The following TP63 variants were observed in gnomAD, a reference collection of about 807,000 sequenced individuals.
TP63 encodes tumor protein 63.
TP63 carries 17 observed loss-of-function variants against 82.8 expected under a neutral mutation model. That is an observed-to-expected ratio of 0.21 (90% CI 0.14 to 0.31). The LOEUF is 0.31. TP63 is among the 10% of genes least tolerant of loss of function. The pLI is 1.00. For missense variants in TP63, 648 were observed against 895.3 expected (o/e 0.72, Z 3.52); for synonymous variants, 330 against 321.7 (o/e 1.03, Z -0.28).
At chr3:189,874,987 T>G (rs1718872000) in intron 10 of TP63, among the ~76,000 whole-genome samples, 1 of 135,684 alleles carries the variant, frequency 7.4e-6, no homozygotes, top group Non-Finnish European at 1.7e-5. Flanking sequence ...CTGTCTTTTT[T>G]TTTTTTTTTT....
the TP63 span, among the ~76,000 whole-genome samples, chr3:189,612,147 C>T: frequency 6.6e-6 from 1 of 151,856 alleles, no homozygotes; most frequent in South Asian, 2.1e-4. Context: ...GGACTGTATC[C>T]AGGGTTCAGA....
intron 3 of TP63, among the ~76,000 whole-genome samples, chr3:189,745,893 T>TA (rs201916552): frequency 6.6e-6 from 1 of 150,924 alleles, no homozygotes; most frequent in African/African-American, 2.4e-5. Flanking sequence ...ACAGAAGAAT[T>TA]AAAAAAAATC....
At chr3:189,650,454 C>G (rs1374807454) in intron 1 of TP63, among the ~76,000 whole-genome samples, 1 of 146,488 alleles carries the variant, frequency 6.8e-6, no homozygotes, top group East Asian at 2.4e-4. Context: ...ATGAGATGAA[C>G]CAGGTGGAGA....
chr3:189,719,144 A>G (rs1487072357), intron 1 of TP63, among the ~76,000 whole-genome samples: 1 of 152,208 alleles, frequency 6.6e-6, no homozygotes. Flanking sequence ...CGCACGAAGG[A>G]AAAACCTGCC....
chr3:189,761,186 T>C (rs1019309042), intron 3 of TP63, among the ~76,000 whole-genome samples: 2 of 152,212 alleles, frequency 1.3e-5, no homozygotes, highest in Admixed American at 6.5e-5. Context: ...TTGTTACTTA[T>C]GCAAATTGCT....
chr3:189,748,165 A>G (rs1721518092), intron 3 of TP63, among the ~76,000 whole-genome samples: 1 of 152,022 alleles, frequency 6.6e-6, no homozygotes, highest in South Asian at 2.1e-4. Flanking sequence ...TAGTTCTCCT[A>G]TTTAACATCG....
At chr3:189,850,757 C>T (rs1367229500) in intron 4 of TP63, among the ~76,000 whole-genome samples, 1 of 151,860 alleles carries the variant, frequency 6.6e-6, no homozygotes, top group Non-Finnish European at 1.5e-5. Context: ...ATTTTAAGGA[C>T]ACGCAAAATT....
At chr3:189,840,009 G>A (rs754845152) in intron 4 of TP63, among the ~76,000 whole-genome samples, 1 of 152,160 alleles carries the variant, frequency 6.6e-6, no homozygotes, top group Non-Finnish European at 1.5e-5. Flanking sequence ...GAATAACAAT[G>A]TCTACTTCAC....
intron 4 of TP63, among the ~76,000 whole-genome samples, chr3:189,809,170 T>C (rs1329033587): frequency 6.6e-6 from 1 of 152,100 alleles, no homozygotes; most frequent in African/African-American, 2.4e-5. Flanking sequence ...AGCCTTTAAA[T>C]AGACATATCA....
At chr3:189,891,347 G>A (rs530399655) in intron 13 of TP63, among the ~76,000 whole-genome samples, 140 of 152,292 alleles carry the variant, frequency 9.2e-4, no homozygotes, top group Non-Finnish European at 1.4e-3. Flanking sequence ...GAACACAAAC[G>A]TGTAAGCTTA....
At chr3:189,718,493 C>T (rs934231559) in intron 1 of TP63, among the ~76,000 whole-genome samples, 3 of 149,298 alleles carry the variant, frequency 2.0e-5, no homozygotes, top group Non-Finnish European at 4.4e-5. Context: ...AGCGGTCACT[C>T]ACTGTCATGA....
chr3:189,838,243 C>T (rs559578365), intron 4 of TP63, among the ~76,000 whole-genome samples: 3 of 152,138 alleles, frequency 2.0e-5, no homozygotes, highest in African/African-American at 7.2e-5. Flanking sequence ...TCACCTGTTT[C>T]CTTCCTTCCT....
chr3:189,616,042 A>T, the TP63 span, among the ~76,000 whole-genome samples: 1 of 152,210 alleles, frequency 6.6e-6, no homozygotes, highest in Non-Finnish European at 1.5e-5. Context: ...CTTACTGAAC[A>T]TACAACTACT....
intron 3 of TP63, chr3:189,789,784 T>C: frequency 6.3e-7 from 1 of 1,590,898 alleles, no homozygotes; most frequent in Middle Eastern, 1.7e-4. Context: ...GCAGCATTGA[T>C]CAATCTTACA....
intron 1 of TP63, among the ~76,000 whole-genome samples, chr3:189,699,248 A>T (rs1487663147): frequency 6.6e-6 from 1 of 152,180 alleles, no homozygotes; most frequent in African/African-American, 2.4e-5. Context: ...AAACTAAAAC[A>T]GAGAGAAGTT....
At chr3:189,777,946 TC>T (rs1723945343) in intron 3 of TP63, among the ~76,000 whole-genome samples, 1 of 147,034 alleles carries the variant, frequency 6.8e-6, no homozygotes, top group Admixed American at 6.9e-5. Flanking sequence ...ACTTCCGTCT[TC>T]CGGGTTCAAG....
intron 3 of TP63, among the ~76,000 whole-genome samples, chr3:189,744,415 ACC>A (rs1721220280): frequency 6.6e-6 from 1 of 152,084 alleles, no homozygotes; most frequent in Non-Finnish European, 1.5e-5. Context: ...GCCCGCACAC[ACC>A]AGCAGGGGGC....
At chr3:189,828,548 C>T (rs1396545311) in intron 4 of TP63, among the ~76,000 whole-genome samples, 1 of 152,190 alleles carries the variant, frequency 6.6e-6, no homozygotes, top group Non-Finnish European at 1.5e-5. Flanking sequence ...ATTTATCCTT[C>T]TGCTTTGACT....
intron 9 of TP63, among the ~76,000 whole-genome samples, chr3:189,870,443 T>C (rs2108812537): frequency 6.6e-6 from 1 of 152,246 alleles, no homozygotes; most frequent in East Asian, 1.9e-4. Context: ...TTTTAAACTA[T>C]ACAGAGGATA....
Sources: gnomAD v4.1 joint callset for allele counts (sites outside exome capture counted in the v4.1 genomes callset) on GRCh38, gnomAD v4.1.1 for gene constraint, MANE v1.5 for transcripts, NCBI Gene and HGNC (gene_info 2026-07-23, HGNC 2026-07-21) for gene names.